NTM: variants seen among roughly 807,000 people sequenced by gnomAD.
NTM encodes the protein neurotrimin.
In NTM, 13 loss-of-function variants were observed where a neutral mutation model predicts 42.1. The ratio of observed to expected loss-of-function variants is 0.31; its 90% confidence interval spans 0.20 to 0.49. NTM has a LOEUF of 0.49. Ranked by LOEUF, NTM falls within the 20% of genes least tolerant of loss-of-function variation. The probability of loss-of-function intolerance (pLI) is 0.99; values close to 1 mark genes in which losing one functional copy is unlikely to be tolerated. For missense variants in NTM, 373 were observed against 452.8 expected, an observed-to-expected ratio of 0.82 and a Z score of 1.60; for synonymous variants, 187 against 179.2, an observed-to-expected ratio of 1.04 and a Z score of -0.35.
intron 4 of NTM, among the ~76,000 whole-genome samples, chr11:132,234,897 T>A (rs2088468433): frequency 6.6e-6 from 1 of 152,258 alleles, no homozygotes; most frequent in Non-Finnish European, 1.5e-5. Context: ...AAACTGAGCC[T>A]TTAGAAATAG....
intron 2 of NTM, among the ~76,000 whole-genome samples, chr11:132,109,110 G>A (rs539945737): frequency 1.3e-5 from 2 of 152,288 alleles, no homozygotes; most frequent in African/African-American, 4.8e-5. Flanking sequence ...ATCATTGATG[G>A]GTATTTGGGT....
intron 1 of NTM, among the ~76,000 whole-genome samples, chr11:131,750,200 C>G (rs1203731892): frequency 1.3e-5 from 2 of 152,234 alleles, no homozygotes; most frequent in Non-Finnish European, 2.9e-5. Flanking sequence ...AGAGAGAGAA[C>G]TCTTTTTATT....
chr11:132,241,458 C>A (rs1323082035), intron 4 of NTM, among the ~76,000 whole-genome samples: 1 of 152,122 alleles, frequency 6.6e-6, no homozygotes, highest in Non-Finnish European at 1.5e-5. Flanking sequence ...CTCATCCCCC[C>A]CAGCAATACA....
chr11:131,815,950 G>T (rs2092935180), intron 1 of NTM, among the ~76,000 whole-genome samples: 1 of 152,206 alleles, frequency 6.6e-6, no homozygotes, highest in Admixed American at 6.5e-5. Flanking sequence ...GAAACTGGGA[G>T]TTGGAGATGG....
intron 2 of NTM, among the ~76,000 whole-genome samples, chr11:132,037,637 C>T (rs2076671079): frequency 6.6e-6 from 1 of 152,146 alleles, no homozygotes; most frequent in Non-Finnish European, 1.5e-5. Flanking sequence ...AAGCTTCTTC[C>T]CACTGGGAGC....
chr11:131,645,706 G>T (rs1321205555), intron 1 of NTM, among the ~76,000 whole-genome samples: 1 of 152,022 alleles, frequency 6.6e-6, no homozygotes, highest in Non-Finnish European at 1.5e-5. Flanking sequence ...GTGTATATAT[G>T]TTTTTTGTTT....
intron 1 of NTM, among the ~76,000 whole-genome samples, chr11:131,415,801 T>G (rs532640042): frequency 6.6e-5 from 10 of 152,336 alleles, no homozygotes; most frequent in Admixed American, 5.2e-4. Flanking sequence ...ACTCTTGAAT[T>G]TCCCCATTAA....
At chr11:131,633,980 GAGAC>G (rs901718009) in intron 1 of NTM, among the ~76,000 whole-genome samples, 1 of 152,048 alleles carries the variant, frequency 6.6e-6, no homozygotes, top group African/African-American at 2.4e-5. Flanking sequence ...GAGAGAAAAT[GAGAC>G]AGCCCAAAAT....
At chr11:132,268,534 AG>A (rs2093321834) in intron 4 of NTM, among the ~76,000 whole-genome samples, 1 of 151,856 alleles carries the variant, frequency 6.6e-6, no homozygotes. Context: ...CCATATGTTT[AG>A]GTTTGGCTAA....
At chr11:131,605,641 C>G (rs1259058534) in intron 1 of NTM, 2 of 199,654 alleles carry the variant, frequency 1.0e-5, no homozygotes, top group Admixed American at 6.5e-5. Flanking sequence ...ACGTTTTACT[C>G]TCTCCCCAGT....
intron 1 of NTM, among the ~76,000 whole-genome samples, chr11:131,553,004 C>T (rs2054916475): frequency 6.6e-6 from 1 of 152,130 alleles, no homozygotes; most frequent in Non-Finnish European, 1.5e-5. Context: ...AGAAAAAGAA[C>T]ACATATTGCT....
intron 2 of NTM, among the ~76,000 whole-genome samples, chr11:131,950,577 G>T (rs1044610870): frequency 6.6e-6 from 1 of 152,060 alleles, no homozygotes; most frequent in African/African-American, 2.4e-5. Flanking sequence ...AACAGAGTCT[G>T]GTCAAATCTT....
At chr11:131,959,906 C>T (rs774412465) in intron 2 of NTM, among the ~76,000 whole-genome samples, 9 of 152,132 alleles carry the variant, frequency 5.9e-5, no homozygotes, top group Non-Finnish European at 1.0e-4. Flanking sequence ...GTTTTCCTTA[C>T]GTTTCTATAT....
chr11:132,227,536 C>T (rs1243928731), intron 4 of NTM, among the ~76,000 whole-genome samples: 1 of 151,680 alleles, frequency 6.6e-6, no homozygotes, highest in Non-Finnish European at 1.5e-5. Flanking sequence ...TCCCTTGGTC[C>T]TTTACTGGCT....
At chr11:131,501,916 G>A (rs2046885327) in intron 1 of NTM, among the ~76,000 whole-genome samples, 1 of 152,014 alleles carries the variant, frequency 6.6e-6, no homozygotes, top group African/African-American at 2.4e-5. Context: ...CAATGGATGA[G>A]CCTGGAATCA....
At chr11:131,855,980 C>T (rs1056293189) in intron 1 of NTM, among the ~76,000 whole-genome samples, 17 of 152,160 alleles carry the variant, frequency 1.1e-4, no homozygotes, top group South Asian at 2.1e-4. Flanking sequence ...CAGATCCCCA[C>T]GCCTGAAGAT....
chr11:131,878,589 AAAAAAATATATATATATATATATAT>A lies in NTM; in HGVS notation c.83-32973_83-32949del, dbSNP rs1439231125. 7.5e-4 allele frequency among the ~76,000 whole-genome samples: 48 copies of A among 63,820 alleles called. 6 individuals carry two copies. In the East Asian group the frequency reaches 0.011, roughly 15 times the overall value. 41.9% of individuals were successfully genotyped at this position (63,820 alleles called of 152,430 possible). ...CATCTCAAAAAAAAAAAAAAAAAAA[AAAAAAATATATATATATATATATAT>A]ATATATATATATATATATATATATA... is the stretch of plus-strand genomic sequence containing the variant. On this transcript the variant is annotated intron_variant, in intron 1 of 8. Coordinates refer to ENST00000683400, the MANE Select transcript of NTM (RefSeq NM_001352005.2).
At chr11:132,171,170 C>A (rs974360464) in intron 3 of NTM, among the ~76,000 whole-genome samples, 22 of 152,142 alleles carry the variant, frequency 1.4e-4, no homozygotes, top group African/African-American at 5.3e-4. Flanking sequence ...TGTTAGCTGA[C>A]TTTTCCCCAG....
At chr11:132,095,891 G>A (rs1160535858) in intron 2 of NTM, among the ~76,000 whole-genome samples, 1 of 152,152 alleles carries the variant, frequency 6.6e-6, no homozygotes. Context: ...CTCTACCTGG[G>A]CCAAAAAGAC....
Sources: allele counts gnomAD v4.1 joint callset (sites outside exome capture counted in the v4.1 genomes callset), GRCh38; gene constraint gnomAD v4.1.1; transcripts MANE v1.5; gene names NCBI Gene and HGNC (gene_info 2026-07-23, HGNC 2026-07-21).